Variants in AFG2A observed in about 807,000 individuals in gnomAD.
The protein encoded by AFG2A is AAA ATPase AFG2A, also known as ATPase family gene 2 protein homolog A.
chr4:123,156,774 AAAG>A, the AFG2A span, among the ~76,000 whole-genome samples: 4 of 150,664 alleles, frequency 2.7e-5, no homozygotes, highest in African/African-American at 4.9e-5. Context: ...AAAAAAAAAA[AAAG>A]AAAAAAAAAG....
chr4:122,993,555 A>C, the AFG2A span, among the ~76,000 whole-genome samples: 1 of 152,096 alleles, frequency 6.6e-6, no homozygotes, highest in Non-Finnish European at 1.5e-5. Flanking sequence ...TGATTTTTAG[A>C]AATAAAAGTA....
chr4:123,192,194 T>G, the AFG2A span, among the ~76,000 whole-genome samples: 47 of 152,140 alleles, frequency 3.1e-4, no homozygotes, highest in Middle Eastern at 3.4e-3. Context: ...ACCCAGCTAA[T>G]TTTTGTATTT....
the AFG2A span, among the ~76,000 whole-genome samples, chr4:123,171,251 T>A: frequency 6.6e-6 from 1 of 152,202 alleles, no homozygotes; most frequent in Non-Finnish European, 1.5e-5. Context: ...TGGCACATAG[T>A]AAGTCTGTTG....
chr4:123,194,298 C>T, the AFG2A span, among the ~76,000 whole-genome samples: 1 of 152,168 alleles, frequency 6.6e-6, no homozygotes, highest in African/African-American at 2.4e-5. Context: ...AACAAAATAA[C>T]TCTGACGATA....
chr4:123,196,652 G>A, the AFG2A span, among the ~76,000 whole-genome samples: 1 of 152,036 alleles, frequency 6.6e-6, no homozygotes, highest in Non-Finnish European at 1.5e-5. Context: ...TGCATTTGTT[G>A]ATCAGATGCA....
chr4:123,300,671 A>G, the AFG2A span, among the ~76,000 whole-genome samples: 1 of 152,160 alleles, frequency 6.6e-6, no homozygotes, highest in South Asian at 2.1e-4. Context: ...TGTAAAGTCT[A>G]ATCTTATCTT....
chr4:123,006,379 T>G, the AFG2A span, among the ~76,000 whole-genome samples: 1 of 152,150 alleles, frequency 6.6e-6, no homozygotes, highest in Admixed American at 6.5e-5. Flanking sequence ...GGTAGTTTTC[T>G]TCATGTTTCT....
chr4:123,128,260 G>A, the AFG2A span, among the ~76,000 whole-genome samples: 1 of 152,092 alleles, frequency 6.6e-6, no homozygotes, highest in Non-Finnish European at 1.5e-5. Context: ...TTTAAGTTCA[G>A]AAATGCATTT....
At chr4:123,255,536 C>T in the AFG2A span, among the ~76,000 whole-genome samples, 20 of 150,988 alleles carry the variant, frequency 1.3e-4, no homozygotes, top group Non-Finnish European at 2.5e-4. Context: ...GGATTATAGG[C>T]GTGAGCCACC....
chr4:123,281,922 G>T, the AFG2A span, among the ~76,000 whole-genome samples: 2 of 152,212 alleles, frequency 1.3e-5, no homozygotes, highest in African/African-American at 2.4e-5. Context: ...ATCAGTGGTT[G>T]TCAGGGATTA....
At chr4:123,107,698 G>A in the AFG2A span, among the ~76,000 whole-genome samples, 1 of 152,230 alleles carries the variant, frequency 6.6e-6, no homozygotes. Context: ...CAGGCTGTTT[G>A]TGCCAAGGAG....
the AFG2A span, among the ~76,000 whole-genome samples, chr4:123,014,155 A>T: frequency 6.6e-6 from 1 of 152,124 alleles, no homozygotes; most frequent in East Asian, 1.9e-4. Flanking sequence ...TATATTTTCC[A>T]TATTCCTTTA....
the AFG2A span, among the ~76,000 whole-genome samples, chr4:122,939,435 C>T: frequency 6.6e-6 from 1 of 152,060 alleles, no homozygotes; most frequent in East Asian, 1.9e-4. Context: ...AAGGAACATT[C>T]ATAGGACTAA....
the AFG2A span, among the ~76,000 whole-genome samples, chr4:122,967,711 G>A: frequency 6.6e-6 from 1 of 152,016 alleles, no homozygotes; most frequent in East Asian, 1.9e-4. Context: ...CAGTATTGCC[G>A]AGACTGGTCT....
the AFG2A span, among the ~76,000 whole-genome samples, chr4:122,923,745 A>G: frequency 1.3e-5 from 2 of 152,192 alleles, no homozygotes; most frequent in Non-Finnish European, 2.9e-5. Context: ...AGGTTATGAT[A>G]TTTAATAACT....
chr4:122,944,929 C>G, the AFG2A span, among the ~76,000 whole-genome samples: 860 of 152,304 alleles, frequency 5.6e-3, 8 homozygotes, highest in African/African-American at 0.019. Context: ...TGGGTATCAA[C>G]AGCGGTGTCT....
At chr4:123,048,551 A>G in the AFG2A span, among the ~76,000 whole-genome samples, 1 of 152,120 alleles carries the variant, frequency 6.6e-6, no homozygotes, top group Non-Finnish European at 1.5e-5. Context: ...AATGTTTTAT[A>G]TAGTTTTCCT....
At chr4:122,988,761 A>G in the AFG2A span, among the ~76,000 whole-genome samples, 1 of 151,984 alleles carries the variant, frequency 6.6e-6, no homozygotes, top group African/African-American at 2.4e-5. Context: ...TAATGTGTAC[A>G]CTGGTTCGCT....
chr4:123,216,241 T>C, the AFG2A span, among the ~76,000 whole-genome samples: 3 of 152,192 alleles, frequency 2.0e-5, no homozygotes, highest in Admixed American at 6.5e-5. Flanking sequence ...CACCATATTA[T>C]GCTTTTTTAA....
Sources: allele counts gnomAD v4.1 joint callset (sites outside exome capture counted in the v4.1 genomes callset), GRCh38; gene constraint gnomAD v4.1.1; transcripts MANE v1.5; gene names NCBI Gene and HGNC (gene_info 2026-07-23, HGNC 2026-07-21).